The following DYNC1I1 variants were observed in gnomAD, a reference collection of about 807,000 sequenced individuals.
The protein encoded by DYNC1I1 is dynein cytoplasmic 1 intermediate chain 1, also known as cytoplasmic dynein 1 intermediate chain 1.
In DYNC1I1, 43 loss-of-function variants were observed where a neutral mutation model predicts 86.6. That is an observed-to-expected ratio of 0.50 (90% CI 0.39 to 0.64). The LOEUF is 0.64. DYNC1I1 is among the 30% of genes least tolerant of loss of function. The pLI, the probability that DYNC1I1 is intolerant of heterozygous loss-of-function variation, is 0.00. For missense variants in DYNC1I1, 604 were observed against 788.8 expected, an observed-to-expected ratio of 0.77 and a Z score of 2.81; for synonymous variants, 262 against 283.7, an observed-to-expected ratio of 0.92 and a Z score of 0.77.
At chr7:95,865,345 G>A (rs766362462) in intron 5 of DYNC1I1, among the ~76,000 whole-genome samples, 6 of 152,068 alleles carry the variant, frequency 3.9e-5, no homozygotes, top group Non-Finnish European at 8.8e-5. Context: ...ATGATGCCGT[G>A]TCAACCAGGA....
At chr7:95,825,739 G>T (rs1562909057) in intron 4 of DYNC1I1, among the ~76,000 whole-genome samples, 1 of 152,124 alleles carries the variant, frequency 6.6e-6, no homozygotes, top group Admixed American at 6.5e-5. Flanking sequence ...CTGATGCCAG[G>T]CTTGAGCAAA....
chr7:95,944,683 A>G (rs1792344318), intron 6 of DYNC1I1, among the ~76,000 whole-genome samples: 1 of 152,202 alleles, frequency 6.6e-6, no homozygotes, highest in African/African-American at 2.4e-5. Context: ...ACCATGGAAT[A>G]CTATGCAGCC....
At chr7:95,797,186 C>T (rs978626961) in intron 1 of DYNC1I1, among the ~76,000 whole-genome samples, 20 of 151,920 alleles carry the variant, frequency 1.3e-4, no homozygotes, top group Admixed American at 1.1e-3. Flanking sequence ...AACATTTGTA[C>T]AGTAATTTGA....
At chr7:96,051,596 C>T (rs1789406331) in intron 14 of DYNC1I1, among the ~76,000 whole-genome samples, 1 of 152,180 alleles carries the variant, frequency 6.6e-6, no homozygotes, top group South Asian at 2.1e-4. Flanking sequence ...TCTCAATCCT[C>T]TAATCTTTTA....
At chr7:96,065,378 C>CTTTTTTTTTTTTTTTTTTTTT (rs34423655) in intron 14 of DYNC1I1, among the ~76,000 whole-genome samples, 2 of 127,582 alleles carry the variant, frequency 1.6e-5, no homozygotes, top group African/African-American at 3.0e-5. Context: ...TTCTTTCTTT[C>CTTTTTTTTTTTTTTTTTTTTT]TTTTTTTTTT....
Position 96,025,844 on chromosome 7 carries a change from G to GA in DYNC1I1, c.970-2331_970-2330insA, listed in dbSNP as rs944159096. ...TCAACAAACAGTACAAGCTTGCGGG[G>GA]GGGGGATATTTGCTTGGATTTAGCT... is the stretch of plus-strand genomic sequence containing the variant. On this transcript the variant is annotated intron_variant, in intron 10 of 16. Coordinates refer to ENST00000447467, the MANE Select transcript of DYNC1I1 (RefSeq NM_001135556.2). Among the ~76,000 whole-genome samples the GA allele has an allele frequency of 2.6e-5, 4 of 151,782 alleles. No homozygotes were observed. The East Asian group carries it at 5.8e-4, about 22-fold the overall frequency.
chr7:95,991,680 G>C (rs1174383605), intron 9 of DYNC1I1, among the ~76,000 whole-genome samples: 1 of 152,066 alleles, frequency 6.6e-6, no homozygotes, highest in African/African-American at 2.4e-5. Flanking sequence ...TCTCCAAAGA[G>C]AGAGATTCAC....
chr7:95,952,086 C>G lies in DYNC1I1; in HGVS notation c.491-25426C>G, dbSNP rs561344002. Among the ~76,000 whole-genome samples the G allele has an allele frequency of 1.3e-3, 199 of 152,270 alleles. 2 individuals are homozygous for G. The highest frequency in any genetic ancestry group is 4.6e-3 in the African/African-American group (193 of 41,572). ...CTGGGCTCTATCTGAATGAGTCTTA[C>G]ATAGAGAATAAGAATCTTTCCTATC... On this transcript the variant is annotated intron_variant, in intron 6 of 16. Transcript: ENST00000447467.
intron 6 of DYNC1I1, among the ~76,000 whole-genome samples, chr7:95,889,419 C>G (rs1339170692): frequency 6.6e-6 from 1 of 152,102 alleles, no homozygotes. Context: ...AAAATGGACT[C>G]CTATGTTACA....
At chr7:95,839,131 A>G (rs1789205296) in intron 5 of DYNC1I1, among the ~76,000 whole-genome samples, 1 of 152,048 alleles carries the variant, frequency 6.6e-6, no homozygotes, top group South Asian at 2.1e-4. Flanking sequence ...CCCAGGTTCA[A>G]GCAATTCTCC....
At chr7:95,951,873 A>G (rs1421548248) in intron 6 of DYNC1I1, among the ~76,000 whole-genome samples, 1 of 152,120 alleles carries the variant, frequency 6.6e-6, no homozygotes, top group Admixed American at 6.5e-5. Flanking sequence ...ACCTGTCCTG[A>G]TGCTTCTTTT....
chr7:95,780,306 C>T (rs193297293), intron 1 of DYNC1I1, among the ~76,000 whole-genome samples: 5 of 151,650 alleles, frequency 3.3e-5, no homozygotes, highest in Admixed American at 2.0e-4. Flanking sequence ...GAGTCTCTGT[C>T]GCCCAGGCTG....
intron 6 of DYNC1I1, among the ~76,000 whole-genome samples, chr7:95,952,530 C>G (rs1438877785): frequency 6.6e-6 from 1 of 152,100 alleles, no homozygotes; most frequent in African/African-American, 2.4e-5. Flanking sequence ...CTAGCAAAAC[C>G]TAAGTAACCT....
At chr7:96,065,817 A>G (rs1789966048) in intron 14 of DYNC1I1, among the ~76,000 whole-genome samples, 1 of 151,966 alleles carries the variant, frequency 6.6e-6, no homozygotes, top group African/African-American at 2.4e-5. Flanking sequence ...TCTACCAGAG[A>G]CTCAAATGCA....
chr7:95,851,626 G>A (rs1022632899), intron 5 of DYNC1I1, among the ~76,000 whole-genome samples: 3 of 152,104 alleles, frequency 2.0e-5, no homozygotes, highest in Non-Finnish European at 2.9e-5. Flanking sequence ...GTATTTTGTT[G>A]AGGATTTTTG....
At chr7:95,911,004 G>A (rs1362202542) in intron 6 of DYNC1I1, among the ~76,000 whole-genome samples, 1 of 152,158 alleles carries the variant, frequency 6.6e-6, no homozygotes, top group African/African-American at 2.4e-5. Flanking sequence ...AGAAAGGATA[G>A]CATGGTAAAA....
chr7:95,838,204 T>G (rs1677841), intron 5 of DYNC1I1, among the ~76,000 whole-genome samples: 80,550 of 152,052 alleles, frequency 0.53, 22,149 homozygotes, highest in African/African-American at 0.69. Context: ...TGAGTTTTTT[T>G]TGTGTGTACA....
chr7:96,043,434 A>G lies in DYNC1I1; in HGVS notation c.1509+4013A>G, dbSNP rs371939639. 3.9e-4 allele frequency among the ~76,000 whole-genome samples: 59 copies of G among 152,194 alleles called. No homozygotes were observed. In the South Asian group the frequency reaches 0.011, roughly 27 times the overall value. ...AAATAACACCACAGGGATGCAATCA[A>G]CCAAACCCAGACCGCTGGCATATCT... is the stretch of plus-strand genomic sequence containing the variant. On this transcript the variant is annotated intron_variant, in intron 14 of 16. Coordinates refer to ENST00000447467, the MANE Select transcript of DYNC1I1 (RefSeq NM_001135556.2).
chr7:95,944,391 T>C (rs921732928), intron 6 of DYNC1I1, among the ~76,000 whole-genome samples: 1 of 152,166 alleles, frequency 6.6e-6, no homozygotes, highest in Non-Finnish European at 1.5e-5. Flanking sequence ...CTGGAGAGGA[T>C]GTGGAGAAAT....
Sources: allele counts gnomAD v4.1 joint callset (sites outside exome capture counted in the v4.1 genomes callset), GRCh38; gene constraint gnomAD v4.1.1; transcripts MANE v1.5; gene names NCBI Gene and HGNC (gene_info 2026-07-23, HGNC 2026-07-21).